Variants in OPA1 observed in about 807,000 individuals in gnomAD.
OPA1 encodes OPA1 mitochondrial dynamin like GTPase.
In OPA1, 59 loss-of-function variants were observed where a neutral mutation model predicts 152.9. The observed-to-expected ratio is 0.39, with a 90% CI of 0.31 to 0.48. The LOEUF (loss-of-function observed/expected upper bound fraction) is 0.48. Among genes scored for constraint, OPA1 ranks in the 20% least tolerant of loss-of-function variants. The pLI, the probability that OPA1 is intolerant of heterozygous loss-of-function variation, is 0.96. For missense variants in OPA1, 1,008 were observed against 1,216.8 expected (o/e 0.83, Z 2.55); for synonymous variants, 400 against 389.9 (o/e 1.03, Z -0.31).
chr3:193,689,985 A>T (rs931951686), intron 29 of OPA1, among the ~76,000 whole-genome samples: 1 of 151,864 alleles, frequency 6.6e-6, no homozygotes, highest in African/African-American at 2.4e-5. Context: ...CCAACTGATG[A>T]ACTGATGTGA....
intron 29 of OPA1, among the ~76,000 whole-genome samples, chr3:193,681,440 T>G (rs1720108705): frequency 6.6e-6 from 1 of 152,186 alleles, no homozygotes. Flanking sequence ...GTGAAAAATT[T>G]GGGTTGAAAG....
rs551297694 is a variant in OPA1 at position 193,637,993 on chromosome 3, G to A, written c.1077G>A (p.Val359=). Residue 359 remains valine, a synonymous_variant, in exon 11 of 31, where the codon GTG becomes GTA. Coordinates refer to ENST00000361510, the MANE Select transcript of OPA1 (RefSeq NM_130837.3). ...ATCAGAGTGCTGGAAAGACTAGTGT[G>A]TTGGAAATGATTGCCCAAGCTCGAA... ...VGDQSAGKTS[V]LEMIAQARIF... The A allele has an allele frequency of 6.8e-6, 11 of 1,614,096 alleles. No homozygotes were observed. The highest frequency in any genetic ancestry group is 5.5e-5 in the South Asian group (5 of 91,074).
intron 11 of OPA1, among the ~76,000 whole-genome samples, chr3:193,638,670 A>G (rs960921357): frequency 1.3e-5 from 2 of 152,244 alleles, no homozygotes; most frequent in Admixed American, 1.3e-4. Flanking sequence ...GATTTATCAA[A>G]TCAATCTTCG....
chr3:193,682,082 C>G (rs369250727), intron 29 of OPA1, among the ~76,000 whole-genome samples: 1 of 152,282 alleles, frequency 6.6e-6, no homozygotes, highest in Non-Finnish European at 1.5e-5. Context: ...AAGAAAAGTT[C>G]TTGAAGGAAA....
intron 8 of OPA1, among the ~76,000 whole-genome samples, chr3:193,634,952 A>G (rs1360074030): frequency 6.6e-6 from 1 of 152,218 alleles, no homozygotes; most frequent in East Asian, 1.9e-4. Flanking sequence ...TCTGTCACAT[A>G]ATGCATGCTT....
chr3:193,624,283 T>C (rs1426730030), intron 6 of OPA1: 1 of 152,240 alleles, frequency 6.6e-6, no homozygotes, highest in African/African-American at 2.4e-5. Flanking sequence ...TTCTCACTAT[T>C]GCTCTTGACT....
At chr3:193,604,779 G>C (rs930602084) in intron 1 of OPA1, among the ~76,000 whole-genome samples, 3 of 148,184 alleles carry the variant, frequency 2.0e-5, no homozygotes, top group African/African-American at 7.5e-5. Flanking sequence ...AGAATCGCTT[G>C]AACCCAGGAG....
At chr3:193,661,451 G>A (rs938509299) in intron 25 of OPA1, among the ~76,000 whole-genome samples, 2 of 152,196 alleles carry the variant, frequency 1.3e-5, no homozygotes, top group African/African-American at 4.8e-5. Flanking sequence ...TTGAAGACAA[G>A]TGTTTTCAAC....
In OPA1 at chr3:193,696,276, C is replaced by T. The variant is rs1722242559; in HGVS notation, c.*1676C>T. On this transcript the variant is annotated 3_prime_UTR_variant, in exon 31 of 31. Coordinates refer to ENST00000361510, the MANE Select transcript of OPA1 (RefSeq NM_130837.3). ...TTCTGTCAACTATAGAAAGAAAGAC[C>T]TTCAGCTGTATTTCCACAGATTTCT... 6.6e-6 allele frequency: 1 copy of T among 152,162 alleles called. No homozygotes were observed. The highest frequency in any genetic ancestry group is 1.5e-5 in the Non-Finnish European group (1 of 68,032). 9.4% of individuals were successfully genotyped at this position (152,162 alleles called of 1,614,324 possible). A position where few individuals can be genotyped will look rare whatever the true frequency, so the allele number is the denominator to read the frequency against.
intron 11 of OPA1, among the ~76,000 whole-genome samples, chr3:193,639,590 A>G (rs1009652240): frequency 3.3e-5 from 5 of 152,218 alleles, no homozygotes; most frequent in Non-Finnish European, 5.9e-5. Flanking sequence ...GTCGGGGCAA[A>G]TGATGACATT....
intron 1 of OPA1, among the ~76,000 whole-genome samples, chr3:193,605,327 C>G (rs1453695531): frequency 6.6e-6 from 1 of 152,174 alleles, no homozygotes; most frequent in Non-Finnish European, 1.5e-5. Flanking sequence ...AATCTCCAGT[C>G]TCATCCATTT....
Position 193,676,949 on chromosome 3 carries a change from C to G in OPA1, c.2983+9669C>G, listed in dbSNP as rs563521082. On this transcript the variant is annotated intron_variant, in intron 29 of 30. Transcript: ENST00000361510. ...TGAGCCGAGATCGCGCCACTGCACT[C>G]CAGCCTGGGTGACAGAGCAAGACTC... is the stretch of plus-strand genomic sequence containing the variant. Among the ~76,000 whole-genome samples, 299 of 144,078 alleles carry G rather than the reference C, an allele frequency of 2.1e-3. 2 individuals are homozygous for G. Among genetic ancestry groups the G allele is most frequent in the African/African-American group, 5.2e-3 (201 of 38,388 alleles). The allele number at this position is 144,078 out of a possible 152,430, so 94.5% of individuals were successfully genotyped here.
intron 22 of OPA1, among the ~76,000 whole-genome samples, chr3:193,655,839 T>G (rs1215953219): frequency 6.6e-6 from 1 of 152,198 alleles, no homozygotes; most frequent in African/African-American, 2.4e-5. Flanking sequence ...TGCTTGTGTG[T>G]GAGGTTGCTC....
intron 29 of OPA1, chr3:193,689,158 A>T (rs1721346426): frequency 6.6e-6 from 1 of 152,246 alleles, no homozygotes; most frequent in Admixed American, 6.5e-5. Context: ...TAAGCCAGGA[A>T]TGCTTCTCAA....
At chr3:193,621,763 G>T (rs1730132603) in intron 6 of OPA1, among the ~76,000 whole-genome samples, 1 of 152,150 alleles carries the variant, frequency 6.6e-6, no homozygotes, top group Non-Finnish European at 1.5e-5. Flanking sequence ...GAGGAAAAAA[G>T]ACATAGCCCT....
intron 8 of OPA1, 88 bp from the exon 9 acceptor site, chr3:193,635,330 C>G (rs1225888481): frequency 1.3e-6 from 1 of 795,710 alleles, no homozygotes; most frequent in Non-Finnish European, 2.2e-6. Flanking sequence ...GATATGACTT[C>G]AAGATTTTGG....
At position 193,635,411 on chromosome 3, in the gene OPA1, A is replaced by C. The variant is rs1447086474; in HGVS notation, c.844-7A>C. The C allele has an allele frequency of 3.3e-6, 5 of 1,513,966 alleles. No individual in the cohort carries two copies. The highest frequency in any genetic ancestry group is 3.7e-6 in the Non-Finnish European group (4 of 1,089,218). The allele number at this position is 1,513,966 out of a possible 1,614,324, so 93.8% of individuals were successfully genotyped here. On this transcript the variant is annotated splice_polypyrimidine_tract_variant and splice_region_variant and intron_variant, in intron 8 of 30. Coordinates refer to ENST00000361510, the MANE Select transcript of OPA1 (RefSeq NM_130837.3). ...CTTATATAGTTACACTTATTATTTT[A>C]TTGCAGTTGAAGTATCAGAGAATCT...
chr3:193,633,068 C>T (rs954884916), intron 8 of OPA1, among the ~76,000 whole-genome samples: 1 of 150,570 alleles, frequency 6.6e-6, no homozygotes, highest in African/African-American at 2.5e-5. Context: ...TCAAACCTCA[C>T]TATACGCTAG....
At chr3:193,600,099 G>A (rs150457164) in intron 1 of OPA1, among the ~76,000 whole-genome samples, 2,330 of 152,284 alleles carry the variant, frequency 0.015, 59 homozygotes, top group African/African-American at 0.052. Flanking sequence ...GTTACAGTTC[G>A]TCCACAAGGA....
Sources: allele counts gnomAD v4.1 joint callset (sites outside exome capture counted in the v4.1 genomes callset), GRCh38; gene constraint gnomAD v4.1.1; transcripts MANE v1.5; gene names NCBI Gene and HGNC (gene_info 2026-07-23, HGNC 2026-07-21).